Variants in LPCAT1 observed in about 807,000 individuals in gnomAD.
The protein encoded by LPCAT1 is 1-acylglycerol-3-phosphate O-acyltransferase.
In LPCAT1, 23 loss-of-function variants were observed where a neutral mutation model predicts 60.9. That is an observed-to-expected ratio of 0.38 (90% CI 0.27 to 0.53). LPCAT1 has a LOEUF of 0.53. Among genes scored for constraint, LPCAT1 ranks in the 20% least tolerant of loss-of-function variants. The pLI, the probability that LPCAT1 is intolerant of heterozygous loss-of-function variation, is 0.82. For synonymous variants in LPCAT1, 340 were observed against 301.1 expected (o/e 1.13, Z -1.34); for missense variants, 622 against 723.6 (o/e 0.86, Z 1.61).
rs778637168 is a variant in LPCAT1, at chr5:1,521,839, C to G, written c.135+1871G>C. ...GGGAGCAGCTTGCACCCTGAGGTCTCGGGGAGGAAAGCAGGCCCCTCTGGG... is the reference window on the plus strand; with the variant it reads ...GGGAGCAGCTTGCACCCTGAGGTCTGGGGGAGGAAAGCAGGCCCCTCTGGG... On this transcript the variant is annotated intron_variant, in intron 1 of 13. Transcript: ENST00000283415. This position sits in a 1 kb window ranked among gnomAD's most constrained non-coding sequence, Gnocchi z 4.3. Among the ~76,000 whole-genome samples the G allele has an allele frequency of 6.6e-6, 1 of 152,218 alleles. No individual in the cohort carries two copies. Among genetic ancestry groups the G allele is most frequent in the African/African-American group, 2.4e-5 (1 of 41,458 alleles).
chr5:1,495,049 G>A lies in LPCAT1; in HGVS notation c.279-135C>T. ...CGGGCTTCCTGTGGTCGCCGCCGCTGGGACATCTGCTTGAGGGAAGAAAAG... is the reference window on the plus strand; with the variant it reads ...CGGGCTTCCTGTGGTCGCCGCCGCTAGGACATCTGCTTGAGGGAAGAAAAG... On this transcript the variant is annotated intron_variant, in intron 2 of 13. Transcript: ENST00000283415. The surrounding 1 kb of genome is among the most constrained non-coding windows in gnomAD (Gnocchi z 4.7). The A allele has an allele frequency of 1.3e-6, 1 of 752,358 alleles. No homozygotes were observed. The highest frequency in any genetic ancestry group is 2.1e-6 in the Non-Finnish European group (1 of 472,734). The allele number at this position is 752,358 out of a possible 1,614,324, so 46.6% of individuals were successfully genotyped here. A position where few individuals can be genotyped will look rare whatever the true frequency, so the allele number is the denominator to read the frequency against.
intron 9 of LPCAT1, among the ~76,000 whole-genome samples, chr5:1,475,673 T>C (rs1367529943): frequency 2.0e-5 from 3 of 152,016 alleles, no homozygotes; most frequent in Admixed American, 6.5e-5. Flanking sequence ...ACTACGGGAG[T>C]GGGAAACCAG....
intron 1 of LPCAT1, among the ~76,000 whole-genome samples, chr5:1,514,628 C>T (rs903599492): frequency 3.3e-5 from 5 of 152,232 alleles, no homozygotes; most frequent in East Asian, 1.9e-4. Flanking sequence ...CCGCCAGGCA[C>T]GCCGCCAGGC....
intron 1 of LPCAT1, among the ~76,000 whole-genome samples, chr5:1,518,981 A>C (rs1234325314): frequency 6.6e-6 from 1 of 152,252 alleles, no homozygotes. Context: ...AGCAGGGTGC[A>C]TGAGTGGGGG....
chr5:1,467,066 G>A lies in LPCAT1; in HGVS notation c.1279-176C>T, dbSNP rs538594721. 3.2e-5 allele frequency: 18 copies of A among 564,486 alleles called. No individual in the cohort carries two copies. In the South Asian group the frequency reaches 1.3e-3, roughly 41 times the overall value. The allele number at this position is 564,486 out of a possible 1,614,324, so 35.0% of individuals were successfully genotyped here. The stretch of plus-strand genomic sequence containing the variant: ...ATGTGGAGCCATGCAGCAGGGCCCT[G>A]TGCCTTGGATCTGGCCCCCTCCAGG... On this transcript the variant is annotated intron_variant, in intron 12 of 13. Coordinates refer to ENST00000283415, the MANE Select transcript of LPCAT1 (RefSeq NM_024830.5).
intron 13 of LPCAT1, 75 bp from the exon 14 acceptor site, chr5:1,463,910 C>T: frequency 3.3e-6 from 5 of 1,509,088 alleles, no homozygotes; most frequent in African/African-American, 2.8e-5. Context: ...TCTTTTCCCA[C>T]GGCCCTGGTG....
At chr5:1,499,011 T>C (rs1475947176) in intron 2 of LPCAT1, among the ~76,000 whole-genome samples, 19 of 152,216 alleles carry the variant, frequency 1.2e-4, no homozygotes, top group Non-Finnish European at 2.2e-4. Flanking sequence ...AAAGATCTCA[T>C]GAAGCAGAGG....
chr5:1,494,992 C>G, intron 2 of LPCAT1, 78 bp from the exon 3 acceptor site: 1 of 1,342,656 alleles, frequency 7.4e-7, no homozygotes, highest in Non-Finnish European at 1.0e-6. Context: ...GGCGGTCCCA[C>G]GGGAGAGCCC....
intron 1 of LPCAT1, among the ~76,000 whole-genome samples, chr5:1,512,714 T>A (rs1365171664): frequency 6.6e-6 from 1 of 152,232 alleles, no homozygotes; most frequent in East Asian, 1.9e-4. Context: ...AAGCGTTCCC[T>A]GACACCCTGG....
At chr5:1,501,958 C>T (rs1031140067) in intron 1 of LPCAT1, among the ~76,000 whole-genome samples, 1 of 151,828 alleles carries the variant, frequency 6.6e-6, no homozygotes, top group Non-Finnish European at 1.5e-5. Flanking sequence ...GGCTGACCGG[C>T]ACTGACCAAG....
At chr5:1,508,980 T>A (rs1033656857) in intron 1 of LPCAT1, among the ~76,000 whole-genome samples, 2 of 152,242 alleles carry the variant, frequency 1.3e-5, no homozygotes, top group African/African-American at 4.8e-5. Flanking sequence ...TCGTGTGCAC[T>A]CACGCCATCG....
In LPCAT1 at chr5:1,523,904, G is replaced by T. The variant is rs1025994269; in HGVS notation, c.-60C>A. 1.0e-6 allele frequency: 1 copy of T among 1,004,870 alleles called. No homozygotes were observed. The highest frequency in any genetic ancestry group is 1.2e-6 in the Non-Finnish European group (1 of 842,378). The allele number at this position is 1,004,870 out of a possible 1,614,324, so 62.2% of individuals were successfully genotyped here. On this transcript the variant is annotated 5_prime_UTR_variant, in exon 1 of 14. Coordinates refer to ENST00000283415, the MANE Select transcript of LPCAT1 (RefSeq NM_024830.5). The surrounding 1 kb of genome is among the most constrained non-coding windows in gnomAD (Gnocchi z 7.1). ...GCCTGGGGCGCCGAGCGGGGCCGGGGCTAGCTGGGCGCGGGTCTCGGGGCG... is the reference window on the plus strand; with the variant it reads ...GCCTGGGGCGCCGAGCGGGGCCGGGTCTAGCTGGGCGCGGGTCTCGGGGCG...
intron 8 of LPCAT1, chr5:1,479,344 C>T (rs1735041163): frequency 2.1e-6 from 1 of 479,694 alleles, no homozygotes; most frequent in South Asian, 2.6e-5. Context: ...CGCTACACTC[C>T]AGCCTGGGCA....
Position 1,523,301 on chromosome 5 carries a change from G to A in LPCAT1, c.135+409C>T, listed in dbSNP as rs1031797048. Among the ~76,000 whole-genome samples, 15 of 151,940 alleles carry A rather than the reference G, an allele frequency of 9.9e-5. No individual in the cohort carries two copies. The highest frequency in any genetic ancestry group is 2.2e-4 in the Non-Finnish European group (15 of 67,960). On this transcript the variant is annotated intron_variant, in intron 1 of 13. Coordinates refer to ENST00000283415, the MANE Select transcript of LPCAT1 (RefSeq NM_024830.5). The surrounding 1 kb of genome is among the most constrained non-coding windows in gnomAD (Gnocchi z 7.1). ...GGGCCTGCCAAGGCGGGCGGGGCCC[G>A]GACCAGGGACGAGCGCGGGGACCGG...
Position 1,489,925 on chromosome 5 carries a change from G to A in LPCAT1, c.494-67C>T, listed in dbSNP as rs544019466. The A allele has an allele frequency of 9.0e-5, 105 of 1,168,234 alleles. No homozygotes were observed. In the Middle Eastern group the frequency reaches 1.9e-3, roughly 22 times the overall value. 72.4% of individuals were successfully genotyped at this position (1,168,234 alleles called of 1,614,324 possible). ...CTCCCGCCAGGCAGGGCTGAGGAACGAGGGGGCTGCTGCATGGCGCCCAGT... is the reference window on the plus strand; with the variant it reads ...CTCCCGCCAGGCAGGGCTGAGGAACAAGGGGGCTGCTGCATGGCGCCCAGT... On this transcript the variant is annotated intron_variant, in intron 3 of 13. Transcript: ENST00000283415.
intron 1 of LPCAT1, among the ~76,000 whole-genome samples, chr5:1,506,555 G>C (rs1237025137): frequency 6.6e-6 from 1 of 152,266 alleles, no homozygotes; most frequent in Non-Finnish European, 1.5e-5. Flanking sequence ...GGAGATGCCA[G>C]TATGGCAGAG....
chr5:1,500,753 G>T (rs977888856), intron 2 of LPCAT1, among the ~76,000 whole-genome samples: 2 of 152,256 alleles, frequency 1.3e-5, no homozygotes, highest in African/African-American at 4.8e-5. Flanking sequence ...GCGGCAACCT[G>T]TTCCCACTTA....
intron 11 of LPCAT1, 119 bp from the exon 12 acceptor site, chr5:1,471,043 C>G: frequency 1.3e-6 from 1 of 743,582 alleles, no homozygotes; most frequent in Non-Finnish European, 2.2e-6. Context: ...TCGGGAACAT[C>G]TGCCCATGTG....
At chr5:1,493,760 G>A (rs896066573) in intron 3 of LPCAT1, among the ~76,000 whole-genome samples, 4 of 152,252 alleles carry the variant, frequency 2.6e-5, no homozygotes, top group Admixed American at 2.0e-4. Flanking sequence ...CCAGAGCAGT[G>A]GGTCCATGGG....
Sources: allele counts gnomAD v4.1 joint callset (sites outside exome capture counted in the v4.1 genomes callset), GRCh38; gene constraint gnomAD v4.1.1; non-coding constraint Gnocchi (gnomAD v3.1); transcripts MANE v1.5; gene names NCBI Gene and HGNC (gene_info 2026-07-23, HGNC 2026-07-21).